DSCAM: variants seen among roughly 807,000 people sequenced by gnomAD.
DSCAM encodes DS cell adhesion molecule, also known as cell adhesion molecule DSCAM.
A neutral mutation model predicts 217.7 loss-of-function variants in DSCAM; 47 were observed. The observed-to-expected ratio is 0.22, with a 90% CI of 0.17 to 0.28. The LOEUF (loss-of-function observed/expected upper bound fraction) is 0.28, where lower values mean the gene tolerates loss of function less well. Ranked by LOEUF, DSCAM falls within the 10% of genes least tolerant of loss-of-function variation. The pLI is 1.00. For synonymous variants in DSCAM, 1,056 were observed against 1,015.3 expected (o/e 1.04, Z -0.76); for missense variants, 2,080 against 2,618.3 (o/e 0.79, Z 4.49).
At chr21:40,764,724 G>A (rs192089785) in intron 1 of DSCAM, among the ~76,000 whole-genome samples, 1 of 152,286 alleles carries the variant, frequency 6.6e-6, no homozygotes, top group East Asian at 1.9e-4. Context: ...TGATAGACTG[G>A]ATAAAGAAAA....
chr21:40,743,708 G>C (rs2091147691), intron 1 of DSCAM, among the ~76,000 whole-genome samples: 1 of 152,156 alleles, frequency 6.6e-6, no homozygotes, highest in Non-Finnish European at 1.5e-5. Flanking sequence ...CTGGTCAACA[G>C]TTCTCAGGAT....
chr21:40,479,316 A>AATC (rs1343508600), intron 3 of DSCAM, among the ~76,000 whole-genome samples: 1 of 152,202 alleles, frequency 6.6e-6, no homozygotes, highest in Non-Finnish European at 1.5e-5. Context: ...GGAAGTACAC[A>AATC]ATCATCATCA....
chr21:40,833,562 C>A lies in DSCAM; in HGVS notation c.43+13057G>T, dbSNP rs191394276. On this transcript the variant is annotated intron_variant, in intron 1 of 32. Coordinates refer to ENST00000400454, the MANE Select transcript of DSCAM (RefSeq NM_001389.5). ...TTGAGGGAGAAATGGCTGGAGGAAC[C>A]CAGGAACACCCTGAGCATCCATGTT... Among the ~76,000 whole-genome samples, 4 of 152,290 alleles carry A rather than the reference C, an allele frequency of 2.6e-5. No individual in the cohort carries two copies. The East Asian group carries it at 7.7e-4, about 29-fold the overall frequency.
At chr21:40,072,628 G>A (rs530882613) in intron 27 of DSCAM, among the ~76,000 whole-genome samples, 6 of 152,210 alleles carry the variant, frequency 3.9e-5, no homozygotes, top group South Asian at 2.1e-4. Flanking sequence ...GATTACAGGT[G>A]TGAGCCACCG....
intron 10 of DSCAM, among the ~76,000 whole-genome samples, chr21:40,292,185 CTTT>C (rs11431306): frequency 0.043 from 4,772 of 110,240 alleles, 128 homozygotes; most frequent in African/African-American, 0.15. Flanking sequence ...AATGTAATGA[CTTT>C]TTTTTTTTTT....
At chr21:40,032,791 T>A (rs1426655092) in intron 32 of DSCAM, among the ~76,000 whole-genome samples, 1 of 152,102 alleles carries the variant, frequency 6.6e-6, no homozygotes, top group Non-Finnish European at 1.5e-5. Flanking sequence ...CTTCTTACTT[T>A]TGCATCAATA....
At chr21:40,832,506 C>T (rs1266272939) in intron 1 of DSCAM, among the ~76,000 whole-genome samples, 1 of 152,166 alleles carries the variant, frequency 6.6e-6, no homozygotes, top group Non-Finnish European at 1.5e-5. Flanking sequence ...GATAATTACT[C>T]TCTCTATGAG....
In DSCAM at chr21:40,338,221, T is replaced by G. The variant is rs770826773; in HGVS notation, c.1663A>C (p.Asn555His). 1.2e-6 allele frequency: 2 copies of G among 1,614,274 alleles called. No homozygotes were observed. The highest frequency in any genetic ancestry group is 1.7e-6 in the Non-Finnish European group (2 of 1,180,050). ...TCTGAAAGTTTAAGAGTTCCATTGT[T>G]CTCAAATGCCACTTGGCGGTGGTTG... is the stretch of plus-strand genomic sequence containing the variant. Reference protein sequence around the residue: ...PFNHRQVAFENNGTLKLSDVQ... With the variant: ...PFNHRQVAFEHNGTLKLSDVQ... Residue 555 changes from asparagine to histidine, a missense_variant, in exon 8 of 33, where the codon AAC becomes CAC. Around this residue, in one of 5 missense-constraint regions of DSCAM, gnomAD observed 218 missense variants for 364.1 expected, o/e 0.60. Transcript: ENST00000400454.
At chr21:40,360,121 GTCTTTTTTTT>G (rs1459172180) in intron 4 of DSCAM, among the ~76,000 whole-genome samples, 12 of 82,656 alleles carry the variant, frequency 1.5e-4, no homozygotes, top group African/African-American at 5.0e-4. Context: ...TTCATAGGTA[GTCTTTTTTTT>G]TTTTTTTTTT....
chr21:40,608,987 C>T (rs1038049416), intron 3 of DSCAM, among the ~76,000 whole-genome samples: 3 of 152,156 alleles, frequency 2.0e-5, no homozygotes, highest in African/African-American at 4.8e-5. Flanking sequence ...CAGGGTCTCA[C>T]TCTGTCACCC....
chr21:40,783,057 T>A (rs772805471), intron 1 of DSCAM, among the ~76,000 whole-genome samples: 1 of 152,178 alleles, frequency 6.6e-6, no homozygotes, highest in Non-Finnish European at 1.5e-5. Flanking sequence ...TTTTTCTTCA[T>A]CCTTGAGACA....
chr21:40,495,887 T>C (rs963341221), intron 3 of DSCAM, among the ~76,000 whole-genome samples: 1 of 152,042 alleles, frequency 6.6e-6, no homozygotes, highest in Non-Finnish European at 1.5e-5. Context: ...ACTCTAACAA[T>C]GAACTATCCA....
intron 10 of DSCAM, among the ~76,000 whole-genome samples, chr21:40,294,449 G>A (rs1008062892): frequency 1.3e-5 from 2 of 152,200 alleles, no homozygotes; most frequent in Non-Finnish European, 2.9e-5. Flanking sequence ...AGGATGCTGG[G>A]CCACATTTAC....
At chr21:40,751,698 G>A (rs2091230933) in intron 1 of DSCAM, among the ~76,000 whole-genome samples, 1 of 152,112 alleles carries the variant, frequency 6.6e-6, no homozygotes, top group African/African-American at 2.4e-5. Context: ...ACTGTAGGGT[G>A]GGGTGGGGAC....
intron 1 of DSCAM, among the ~76,000 whole-genome samples, chr21:40,734,183 G>A (rs1336054698): frequency 6.6e-6 from 1 of 152,128 alleles, no homozygotes; most frequent in African/African-American, 2.4e-5. Flanking sequence ...AACGCTAAAT[G>A]TTGTCAAAAG....
intron 3 of DSCAM, among the ~76,000 whole-genome samples, chr21:40,546,552 C>T (rs773007051): frequency 6.6e-6 from 1 of 152,212 alleles, no homozygotes; most frequent in Non-Finnish European, 1.5e-5. Context: ...GCTATGGCTT[C>T]GCCCAAGCAC....
intron 3 of DSCAM, among the ~76,000 whole-genome samples, chr21:40,652,169 G>A (rs571088328): frequency 1.8e-5 from 2 of 113,430 alleles, no homozygotes; most frequent in Admixed American, 1.6e-4. Flanking sequence ...GGGGGTGGAG[G>A]GAAGGAGAGG....
At chr21:40,324,488 C>G (rs1032778117) in intron 8 of DSCAM, among the ~76,000 whole-genome samples, 2 of 152,158 alleles carry the variant, frequency 1.3e-5, no homozygotes, top group Admixed American at 1.3e-4. Context: ...GTGGAAAGAA[C>G]TGGATAATTT....
At chr21:40,088,926 A>C (rs1177070305) in intron 21 of DSCAM, among the ~76,000 whole-genome samples, 4 of 152,240 alleles carry the variant, frequency 2.6e-5, no homozygotes, top group Non-Finnish European at 5.9e-5. Flanking sequence ...AAGTTGCATG[A>C]ATAAAGACTT....
Sources: gnomAD v4.1 joint callset for allele counts (sites outside exome capture counted in the v4.1 genomes callset) on GRCh38, gnomAD v4.1.1 for gene constraint, gnomAD v4.1.1 regional missense constraint, MANE v1.5 for transcripts, NCBI Gene and HGNC (gene_info 2026-07-23, HGNC 2026-07-21) for gene names.